The following OR1J2 variants were observed in gnomAD, a reference collection of about 807,000 sequenced individuals.
OR1J2 encodes olfactory receptor 1J2.
For missense variants in OR1J2, 304 were observed against 246.1 expected, an observed-to-expected ratio of 1.24 and a Z score of -1.57; for synonymous variants, 142 against 99.7, an observed-to-expected ratio of 1.42 and a Z score of -2.52.
the OR1J2 span, chr9:122,527,137 G>A: frequency 5.3e-5 from 85 of 1,614,236 alleles, 1 homozygote; most frequent in South Asian, 8.2e-4. Context: ...GGGGTGTGGA[G>A]GTGCAGGTCA....
the OR1J2 span, chr9:122,553,970 C>T: frequency 1.5e-5 from 25 of 1,613,726 alleles, no homozygotes; most frequent in African/African-American, 3.2e-4. Flanking sequence ...TGGTTCTGCT[C>T]TTCTATGGGT....
the OR1J2 span, among the ~76,000 whole-genome samples, chr9:122,459,429 A>G: frequency 6.6e-6 from 1 of 152,214 alleles, no homozygotes; most frequent in African/African-American, 2.4e-5. Flanking sequence ...TTCCGATAAG[A>G]TGCTCTTGAA....
At chr9:122,579,401 G>A in the OR1J2 span, among the ~76,000 whole-genome samples, 1 of 151,974 alleles carries the variant, frequency 6.6e-6, no homozygotes, top group Non-Finnish European at 1.5e-5. Flanking sequence ...CCCTTGTCTG[G>A]AGATTGCTTT....
the OR1J2 span, among the ~76,000 whole-genome samples, chr9:122,466,249 C>G: frequency 6.6e-6 from 1 of 152,288 alleles, no homozygotes; most frequent in Non-Finnish European, 1.5e-5. Context: ...AACAAAACTT[C>G]ATGAGGCTAT....
At chr9:122,509,959 A>G (rs1413084250), upstream of OR1J2, among the ~76,000 whole-genome samples, 1 of 152,162 alleles carries the variant, frequency 6.6e-6, no homozygotes, top group Non-Finnish European at 1.5e-5. Context: ...GAACACATGG[A>G]CACAGGGAGG....
At chr9:122,520,137 T>G in the OR1J2 span, 1 of 1,307,756 alleles carries the variant, frequency 7.6e-7, no homozygotes, top group Non-Finnish European at 1.1e-6. Flanking sequence ...AGATCATAGA[T>G]CCTTACTTCT....
At chr9:122,532,730 G>A in the OR1J2 span, among the ~76,000 whole-genome samples, 5 of 152,100 alleles carry the variant, frequency 3.3e-5, no homozygotes, top group African/African-American at 4.8e-5. Flanking sequence ...GCCGCTGCAC[G>A]GAGACATGAT....
the OR1J2 span, among the ~76,000 whole-genome samples, chr9:122,517,308 T>G: frequency 6.6e-6 from 1 of 152,120 alleles, no homozygotes; most frequent in Non-Finnish European, 1.5e-5. Flanking sequence ...AATGCTGGAG[T>G]GAGCAGGTGC....
At chr9:122,493,329 T>G in the OR1J2 span, among the ~76,000 whole-genome samples, 1 of 152,120 alleles carries the variant, frequency 6.6e-6, no homozygotes, top group Non-Finnish European at 1.5e-5. Context: ...ATCCATTTGG[T>G]TTTGGACTTT....
the OR1J2 span, among the ~76,000 whole-genome samples, chr9:122,548,272 T>C: frequency 2.0e-5 from 3 of 152,116 alleles, no homozygotes; most frequent in Non-Finnish European, 4.4e-5. Context: ...GGTAGTTAAT[T>C]GGGTGGAATT....
chr9:122,499,996 A>G, the OR1J2 span, among the ~76,000 whole-genome samples: 3 of 152,172 alleles, frequency 2.0e-5, no homozygotes, highest in Non-Finnish European at 4.4e-5. Flanking sequence ...ACAGGAGCAC[A>G]ATTATAGCAC....
At chr9:122,528,385 G>A in the OR1J2 span, among the ~76,000 whole-genome samples, 9 of 152,244 alleles carry the variant, frequency 5.9e-5, no homozygotes, top group Non-Finnish European at 1.0e-4. Context: ...TCTACCTGAG[G>A]TCAGTAGTTC....
downstream of OR1J2, among the ~76,000 whole-genome samples, chr9:122,515,796 T>C (rs1259633238): frequency 6.6e-6 from 1 of 152,210 alleles, no homozygotes; most frequent in African/African-American, 2.4e-5. Context: ...ATACTGCATC[T>C]TCTTATTACA....
the OR1J2 span, among the ~76,000 whole-genome samples, chr9:122,468,357 G>A: frequency 3.3e-5 from 5 of 152,228 alleles, no homozygotes; most frequent in East Asian, 9.7e-4. Flanking sequence ...GGACTCACTG[G>A]CTACTTTTGA....
At chr9:122,576,184 A>ATATGTATG in the OR1J2 span, among the ~76,000 whole-genome samples, 1 of 151,998 alleles carries the variant, frequency 6.6e-6, no homozygotes, top group South Asian at 2.1e-4. Context: ...ATATACATAT[A>ATATGTATG]TATGTATGTA....
the OR1J2 span, among the ~76,000 whole-genome samples, chr9:122,487,184 G>T: frequency 6.6e-6 from 1 of 151,974 alleles, no homozygotes; most frequent in Admixed American, 6.6e-5. Context: ...AATTTTTAAA[G>T]GACATAATAG....
the OR1J2 span, among the ~76,000 whole-genome samples, chr9:122,503,981 T>A: frequency 6.6e-6 from 1 of 152,172 alleles, no homozygotes; most frequent in African/African-American, 2.4e-5. Flanking sequence ...CTTTTTCAAT[T>A]AGTTGTATGG....
chr9:122,557,280 G>A, the OR1J2 span, among the ~76,000 whole-genome samples: 3 of 152,032 alleles, frequency 2.0e-5, no homozygotes, highest in Admixed American at 6.6e-5. Flanking sequence ...AATGAGGGGG[G>A]ACATTTTTTT....
chr9:122,543,543 T>G, the OR1J2 span, among the ~76,000 whole-genome samples: 1 of 152,146 alleles, frequency 6.6e-6, no homozygotes, highest in African/African-American at 2.4e-5. Context: ...ATTGCCAGTC[T>G]TTTTATTTTA....
Sources: gnomAD v4.1 joint callset for allele counts (sites outside exome capture counted in the v4.1 genomes callset) on GRCh38, gnomAD v4.1.1 for gene constraint, MANE v1.5 for transcripts, NCBI Gene and HGNC (gene_info 2026-07-23, HGNC 2026-07-21) for gene names.